The following ARID1A variants were observed in gnomAD, a reference collection of about 807,000 sequenced individuals.
ARID1A encodes AT-rich interactive domain-containing protein 1A.
Under a neutral mutation model 212.6 loss-of-function variants are expected in ARID1A, and 20 were observed. The ratio of observed to expected loss-of-function variants is 0.09; its 90% CI spans 0.07 to 0.14. The LOEUF (loss-of-function observed/expected upper bound fraction) is 0.14, where lower values mean the gene tolerates loss of function less well. Among genes scored for constraint, ARID1A ranks in the 10% least tolerant of loss-of-function variants. The pLI, the probability that ARID1A is intolerant of heterozygous loss-of-function variation, is 1.00. For synonymous variants in ARID1A, 1,376 were observed against 1,222.1 expected (o/e 1.13, Z -2.63); for missense variants, 2,587 against 3,059.0 (o/e 0.85, Z 3.64).
At position 26,780,261 on chromosome 1, in the gene ARID1A, C is replaced by T. The variant is rs147766570; in HGVS notation, c.6363C>T (p.Thr2121=). The T allele has an allele frequency of 6.2e-7, 1 of 1,614,212 alleles. No homozygotes were observed. Among genetic ancestry groups the T allele is most frequent in the Non-Finnish European group, 8.5e-7 (1 of 1,180,036 alleles). Residue 2121 remains threonine (T), a synonymous_variant, in exon 20 of 20, where the codon ACC becomes ACT. Coordinates refer to ENST00000324856, the MANE Select transcript of ARID1A (RefSeq NM_006015.6). The surrounding 1 kb of genome is among the most constrained non-coding windows in gnomAD (Gnocchi z 7.2). Reference sequence around the variant, plus strand: ...CCCCGCAGAGACTGGTCTTGGAAACCCTCAGCAAACTCAGCATCCAGGACA... The same window carrying T: ...CCCCGCAGAGACTGGTCTTGGAAACTCTCAGCAAACTCAGCATCCAGGACA... ...VLSPQRLVLE[T]LSKLSIQDNN...
intron 4 of ARID1A, among the ~76,000 whole-genome samples, chr1:26,759,550 A>G (rs1016321338): frequency 7.2e-5 from 11 of 152,174 alleles, no homozygotes; most frequent in South Asian, 2.1e-4. Flanking sequence ...CCATTTAAGT[A>G]TCAGGGTTTT....
intron 4 of ARID1A, among the ~76,000 whole-genome samples, chr1:26,734,343 CTTT>C (rs55976597): frequency 3.7e-4 from 45 of 121,386 alleles, no homozygotes; most frequent in Admixed American, 6.6e-4. Context: ...TATTTGGCTT[CTTT>C]TTTTTTTTTT....
chr1:26,758,007 A>G (rs575537912), intron 4 of ARID1A, among the ~76,000 whole-genome samples: 4 of 152,306 alleles, frequency 2.6e-5, no homozygotes, highest in African/African-American at 9.6e-5. Context: ...CCTGATTCCT[A>G]TTCTGTTCTG....
At position 26,707,896 on chromosome 1, in the gene ARID1A, A is replaced by G. The variant is rs1171832894; in HGVS notation, c.1137+10356A>G. 1.2e-4 allele frequency among the ~76,000 whole-genome samples: 18 copies of G among 152,210 alleles called. 1 individual carries two copies. Among genetic ancestry groups the G allele is most frequent in the Admixed American group, 1.2e-3 (18 of 15,280 alleles). ...GTAGACAAGGTTTGTCTGACTCTTC[A>G]AAGGTATTACAATCTAAAATACTAA... On this transcript the variant is annotated intron_variant, in intron 1 of 19. Coordinates refer to ENST00000324856, the MANE Select transcript of ARID1A (RefSeq NM_006015.6).
At chr1:26,765,687 A>G (rs2081033113) in intron 8 of ARID1A, 1 of 151,696 alleles carries the variant, frequency 6.6e-6, no homozygotes, top group South Asian at 2.1e-4. Context: ...CAACATGGAG[A>G]AAGCCCATCT....
At chr1:26,725,934 A>G (rs2080612556) in intron 1 of ARID1A, among the ~76,000 whole-genome samples, 1 of 143,686 alleles carries the variant, frequency 7.0e-6, no homozygotes, top group African/African-American at 2.6e-5. Flanking sequence ...CGCTCGCTGC[A>G]GCTTCTGCCT....
At chr1:26,772,760 T>A (rs2081095151) in intron 13 of ARID1A, 52 bp from the exon 14 acceptor site, 3 of 1,607,188 alleles carry the variant, frequency 1.9e-6, no homozygotes, top group Non-Finnish European at 2.6e-6. Context: ...TCCTTTGTTA[T>A]ATTGGAGGAA....
intron 1 of ARID1A, among the ~76,000 whole-genome samples, chr1:26,700,479 A>G (rs2080321673): frequency 6.6e-6 from 1 of 152,248 alleles, no homozygotes; most frequent in Non-Finnish European, 1.5e-5. Context: ...TAAGTAGTGT[A>G]TCTCAAGTGT....
intron 1 of ARID1A, among the ~76,000 whole-genome samples, chr1:26,728,756 G>A (rs994389532): frequency 3.9e-5 from 6 of 152,028 alleles, no homozygotes; most frequent in South Asian, 2.1e-4. Context: ...CCCCCTCCCC[G>A]CACACCACCA....
At position 26,775,099 on chromosome 1, in the gene ARID1A, C is replaced by T; in HGVS notation, c.4872C>T (p.His1624=). 6.2e-7 allele frequency: 1 copy of T among 1,613,180 alleles called. No individual in the cohort carries two copies. Among genetic ancestry groups the T allele is most frequent in the South Asian group, 1.1e-5 (1 of 91,028 alleles). ...CAGGTCCCCCAGTACCTGCCTCGCA[C>T]ATAGCACCTGCCCCTGTGCAGCCCC... ...QKAGPPVPAS[H]IAPAPVQPPM... Residue 1624 remains histidine, a synonymous_variant, in exon 18 of 20, where the codon CAC becomes CAT. Transcript: ENST00000324856.
intron 1 of ARID1A, among the ~76,000 whole-genome samples, chr1:26,724,587 G>GT (rs1317432151): frequency 6.6e-6 from 1 of 152,154 alleles, no homozygotes; most frequent in Non-Finnish European, 1.5e-5. Context: ...ATTTTAATCT[G>GT]TGAGTTTCAC....
At position 26,779,603 on chromosome 1, in the gene ARID1A, C is replaced by T. The variant is rs2081171575; in HGVS notation, c.5705C>T (p.Pro1902Leu). The change falls in exon 20 of 20, where the codon CCT (proline) becomes CTT (leucine). Residue 1902 changes from proline to leucine, a missense_variant. Transcript: ENST00000324856. The part of the protein sequence containing the change: ...TDQEGPPPDG[P>L]PEKRITATMD... Reference sequence around the variant, plus strand: ...CAGGAGGGGCCCCCACCTGATGGACCTCCAGAAAAACGGATCACAGCCACT... The same window carrying T: ...CAGGAGGGGCCCCCACCTGATGGACTTCCAGAAAAACGGATCACAGCCACT... 1 of 1,613,996 alleles carries T rather than the reference C, an allele frequency of 6.2e-7. No homozygotes were observed. The highest frequency in any genetic ancestry group is 1.7e-5 in the Admixed American group (1 of 59,996).
intron 1 of ARID1A, among the ~76,000 whole-genome samples, chr1:26,706,224 A>G (rs2080390873): frequency 6.6e-6 from 1 of 152,148 alleles, no homozygotes; most frequent in Non-Finnish European, 1.5e-5. Flanking sequence ...CTGCAAAGTT[A>G]GATATTAGAC....
At position 26,696,181 on chromosome 1, in the gene ARID1A, GGCC is replaced by G. The variant is rs878886611; in HGVS notation, c.-210_-208del. The G allele has an allele frequency of 1.7e-4, 103 of 613,486 alleles. No homozygotes were observed. The highest frequency in any genetic ancestry group is 2.0e-4 in the Non-Finnish European group (92 of 451,668). 38.0% of individuals were successfully genotyped at this position (613,486 alleles called of 1,614,324 possible). ...GGAGCAGCTGAGCCGCCGGCGCCTC[GGCC>G]GCCGCCGCCGCCTCCTCCTCCTCCG... is the stretch of plus-strand genomic sequence containing the variant. On this transcript the variant is annotated 5_prime_UTR_variant, in exon 1 of 20. Coordinates refer to ENST00000324856, the MANE Select transcript of ARID1A (RefSeq NM_006015.6).
chr1:26,731,097 C>A, intron 2 of ARID1A, 55 bp from the exon 3 acceptor site: 1 of 1,539,378 alleles, frequency 6.5e-7, no homozygotes, highest in Non-Finnish European at 9.0e-7. Context: ...CAAAACACTT[C>A]ATCTTTCCTC....
chr1:26,741,754 G>A (rs1048094495), intron 4 of ARID1A, among the ~76,000 whole-genome samples: 4 of 152,192 alleles, frequency 2.6e-5, no homozygotes, highest in African/African-American at 9.7e-5. Context: ...GATCTGTAAT[G>A]TCTATCAAAT....
rs2080991581 is a variant in ARID1A, at chr1:26,761,471, G to A, written c.2249G>A (p.Arg750Gln). Residue 750 changes from arginine (R) to glutamine (Q), a missense_variant and splice_region_variant, in exon 6 of 20, where the codon CGA becomes CAA. This residue lies in a region of ARID1A where 674 missense variants were observed against 813.4 expected (regional missense o/e 0.83). Coordinates refer to ENST00000324856, the MANE Select transcript of ARID1A (RefSeq NM_006015.6). ...SMNQSSIAQD[R>Q]GYMQRNPQMP... The stretch of plus-strand genomic sequence containing the variant: ...AACCAATCAAGCATTGCCCAAGATC[G>A]AGGTGAGAGCCTGGGTGTTGGGGAG... 6.2e-7 allele frequency: 1 copy of A among 1,614,168 alleles called. No individual in the cohort carries two copies. Among genetic ancestry groups the A allele is most frequent in the Non-Finnish European group, 8.5e-7 (1 of 1,180,016 alleles).
At chr1:26,709,510 C>CA (rs1290623969) in intron 1 of ARID1A, among the ~76,000 whole-genome samples, 1 of 152,152 alleles carries the variant, frequency 6.6e-6, no homozygotes, top group African/African-American at 2.4e-5. Context: ...CCCAGGTTCC[C>CA]ACTGGCCCTG....
At chr1:26,732,907 C>A in intron 4 of ARID1A, 115 bp downstream of exon 4, 1 of 914,114 alleles carries the variant, frequency 1.1e-6, no homozygotes, top group South Asian at 1.6e-5. Context: ...TAAGTTATTT[C>A]TTGAATTCAA....
Sources: gnomAD v4.1 joint callset for allele counts (sites outside exome capture counted in the v4.1 genomes callset) on GRCh38, gnomAD v4.1.1 for gene constraint, gnomAD v4.1.1 regional missense constraint, Gnocchi (gnomAD v3.1) non-coding constraint, MANE v1.5 for transcripts, NCBI Gene and HGNC (gene_info 2026-07-23, HGNC 2026-07-21) for gene names.